RECK: variants seen among roughly 807,000 people sequenced by gnomAD.
RECK encodes the protein reversion inducing cysteine rich protein with kazal motifs, also known as reversion-inducing cysteine-rich protein with Kazal motifs.
A neutral mutation model predicts 115.1 loss-of-function variants in RECK; 69 were observed. The observed-to-expected ratio is 0.60, with a 90% CI of 0.49 to 0.73. The LOEUF is 0.73. Among genes scored for constraint, RECK ranks in the 30% least tolerant of loss-of-function variants. The pLI, the probability that RECK is intolerant of heterozygous loss-of-function variation, is 0.00. For missense variants in RECK, 1,047 were observed against 1,203.7 expected, an observed-to-expected ratio of 0.87 and a Z score of 1.93; for synonymous variants, 414 against 419.7, an observed-to-expected ratio of 0.99 and a Z score of 0.17.
In RECK at chr9:36,100,430, C is replaced by G; in HGVS notation, c.1185C>G (p.Ile395Met). 1 of 1,613,856 alleles carries G rather than the reference C, an allele frequency of 6.2e-7. No homozygotes were observed. The highest frequency in any genetic ancestry group is 8.5e-7 in the Non-Finnish European group (1 of 1,179,766). Residue 395 changes from isoleucine (I) to methionine (M), a missense_variant, in exon 11 of 21, where the codon ATC becomes ATG. Physicochemically the swap from Ile to Met is conservative, Grantham distance 10. Coordinates refer to ENST00000377966, the MANE Select transcript of RECK (RefSeq NM_021111.3). ...WEKGSIKMPF[I>M]NIPVLDIKKC... ...AAGGAAGCATAAAGATGCCATTTAT[C>G]AATATACCTGTTCTTGATATTAAAA...
chr9:36,064,727 A>G (rs1392546478), intron 5 of RECK, among the ~76,000 whole-genome samples: 3 of 152,110 alleles, frequency 2.0e-5, no homozygotes, highest in Non-Finnish European at 4.4e-5. Context: ...GATTTGAAGT[A>G]TAATGAATTT....
intron 2 of RECK, among the ~76,000 whole-genome samples, chr9:36,055,203 A>C (rs898725363): frequency 1.3e-5 from 2 of 152,174 alleles, no homozygotes; most frequent in Non-Finnish European, 2.9e-5. Flanking sequence ...AAGTGTGATT[A>C]CTAGTTGTTT....
At chr9:36,107,946 A>G in intron 13 of RECK, 30 bp from the exon 14 acceptor site, 1 of 1,555,614 alleles carries the variant, frequency 6.4e-7, no homozygotes, top group African/African-American at 1.4e-5. Context: ...GAACAGTACC[A>G]TCTCTCTCAG....
chr9:36,040,323 C>G (rs978716436), intron 1 of RECK, among the ~76,000 whole-genome samples: 2 of 152,068 alleles, frequency 1.3e-5, no homozygotes, highest in African/African-American at 4.8e-5. Flanking sequence ...TAAGAGCTGC[C>G]TCTTTGAGAA....
At chr9:36,050,248 C>T (rs1394485603) in intron 1 of RECK, among the ~76,000 whole-genome samples, 1 of 152,096 alleles carries the variant, frequency 6.6e-6, no homozygotes, top group Non-Finnish European at 1.5e-5. Context: ...AATTTCTGAT[C>T]ATCTCTCTCT....
chr9:36,068,218 G>T (rs768550019), intron 6 of RECK, among the ~76,000 whole-genome samples: 1 of 152,134 alleles, frequency 6.6e-6, no homozygotes. Flanking sequence ...CTAAAAAGAG[G>T]TAATAGCTTA....
rs534499174 is a variant in RECK at position 36,111,958 on chromosome 9, CAA to C, written c.1889-333_1889-332del. The stretch of plus-strand genomic sequence containing the variant: ...TGCCTTTAAAAACCCTGTCAGAATA[CAA>C]AAAAAAAAAAAAATTAGCTGGGCGT... On this transcript the variant is annotated intron_variant, in intron 15 of 20. Coordinates refer to ENST00000377966, the MANE Select transcript of RECK (RefSeq NM_021111.3). Among the ~76,000 whole-genome samples the C allele has an allele frequency of 8.7e-3, 1,107 of 127,528 alleles. 9 individuals are homozygous for C. The highest frequency in any genetic ancestry group is 0.016 in the Middle Eastern group (4 of 248). 83.7% of individuals were successfully genotyped at this position (127,528 alleles called of 152,430 possible).
intron 6 of RECK, among the ~76,000 whole-genome samples, chr9:36,068,200 T>C (rs932964421): frequency 6.6e-6 from 1 of 152,182 alleles, no homozygotes; most frequent in Non-Finnish European, 1.5e-5. Flanking sequence ...CAAACCCCTC[T>C]AGCTTAGCTA....
chr9:36,087,864 T>A lies in RECK; in HGVS notation c.808T>A (p.Ser270Thr). The A allele has an allele frequency of 6.2e-7, 1 of 1,614,014 alleles. No homozygotes were observed. Among genetic ancestry groups the A allele is most frequent in the South Asian group, 1.1e-5 (1 of 91,084 alleles). ...GCAATGTTTTCTTGAAAGCTCACAA[T>A]CTGTTCACCCTGGAGTCACTGTACA... ...LWQCFLESSQ[S>T]VHPGVTVHPP... The change falls in exon 9 of 21, where the codon TCT becomes ACT. Residue 270 changes from serine (S) to threonine (T), a missense_variant. By Grantham distance (58) the Ser-to-Thr change is moderately conservative. Transcript: ENST00000377966.
At chr9:36,042,379 A>G (rs554586882) in intron 1 of RECK, among the ~76,000 whole-genome samples, 58 of 151,858 alleles carry the variant, frequency 3.8e-4, no homozygotes, top group Admixed American at 9.2e-4. Flanking sequence ...GGTTGCTGCA[A>G]ATGCCATTAT....
At chr9:36,040,042 G>A (rs1391221080) in intron 1 of RECK, among the ~76,000 whole-genome samples, 2 of 151,834 alleles carry the variant, frequency 1.3e-5, no homozygotes, top group Non-Finnish European at 2.9e-5. Flanking sequence ...TATTATAAAT[G>A]TGGTTTTTAA....
chr9:36,062,160 CT>C (rs770648750), intron 4 of RECK, among the ~76,000 whole-genome samples: 19,052 of 131,744 alleles, frequency 0.14, 1,629 homozygotes, highest in East Asian at 0.34. Flanking sequence ...GCATCTCCTA[CT>C]TTTTTTTTTT....
intron 9 of RECK, 36 bp from the exon 10 acceptor site, chr9:36,091,128 C>A: frequency 9.4e-6 from 15 of 1,599,710 alleles, no homozygotes; most frequent in Non-Finnish European, 1.3e-5. Flanking sequence ...ACTTGGTTGG[C>A]TCATGTCGGC....
At chr9:36,069,480 C>CAAAAAAAAAAAAAAAA (rs60192603) in intron 6 of RECK, among the ~76,000 whole-genome samples, 1 of 84,934 alleles carries the variant, frequency 1.2e-5, no homozygotes, top group Non-Finnish European at 3.1e-5. Context: ...GTGGAGGTTG[C>CAAAAAAAAAAAAAAAA]AAAAAAAAAA....
rs117550921 is a variant in RECK, at chr9:36,101,842, A to G, written c.1299-252A>G. Among the ~76,000 whole-genome samples the G allele has an allele frequency of 2.6e-3, 401 of 152,354 alleles. 12 individuals carry two copies. In the East Asian group the frequency reaches 0.066, roughly 25 times the overall value. On this transcript the variant is annotated intron_variant, in intron 11 of 20. Coordinates refer to ENST00000377966, the MANE Select transcript of RECK (RefSeq NM_021111.3). ...TAATTTCCTTTCAAAGATACTGAAAAGCCACATTGCTGGTAGTAACAGTAC... is the reference window on the plus strand; with the variant it reads ...TAATTTCCTTTCAAAGATACTGAAAGGCCACATTGCTGGTAGTAACAGTAC...
chr9:36,037,167 G>A (rs929637443), intron 1 of RECK, 69 bp downstream of exon 1: 3 of 1,099,910 alleles, frequency 2.7e-6, no homozygotes, highest in South Asian at 7.5e-5. Context: ...AAGATGGCGC[G>A]GGGCAGGGGG....
chr9:36,109,846 A>T (rs941263131), intron 14 of RECK, 111 bp from the exon 15 acceptor site: 4 of 1,164,104 alleles, frequency 3.4e-6, no homozygotes, highest in African/African-American at 3.0e-5. Flanking sequence ...CCTTCTCAAA[A>T]AAAAAAAAAG....
chr9:36,062,112 G>A (rs1312236806), intron 4 of RECK, among the ~76,000 whole-genome samples: 1 of 151,368 alleles, frequency 6.6e-6, no homozygotes, highest in Non-Finnish European at 1.5e-5. Flanking sequence ...CAGCATTCCT[G>A]CAAGCATAAG....
chr9:36,077,228 C>T (rs1204154362), intron 6 of RECK, among the ~76,000 whole-genome samples: 1 of 152,026 alleles, frequency 6.6e-6, no homozygotes. Context: ...TGAATACGAA[C>T]CCTCAGTTAC....
Sources: gnomAD v4.1 joint callset for allele counts (sites outside exome capture counted in the v4.1 genomes callset) on GRCh38, gnomAD v4.1.1 for gene constraint, MANE v1.5 for transcripts, NCBI Gene and HGNC (gene_info 2026-07-23, HGNC 2026-07-21) for gene names.